PCDH9: variants seen among roughly 807,000 people sequenced by gnomAD.
PCDH9 encodes the protein protocadherin 9, also known as protocadherin-9.
A neutral mutation model predicts 70.6 loss-of-function variants in PCDH9; 24 were observed. The observed-to-expected ratio is 0.34, with a 90% confidence interval of 0.25 to 0.48. The LOEUF (loss-of-function observed/expected upper bound fraction) is 0.48. PCDH9 is among the 20% of genes least tolerant of loss of function. PCDH9 has a pLI of 0.99. For synonymous variants in PCDH9, 562 were observed against 558.5 expected (o/e 1.01, Z -0.09); for missense variants, 1,281 against 1,503.6 (o/e 0.85, Z 2.45).
chr13:66,653,289 A>G (rs1481371181), intron 3 of PCDH9, among the ~76,000 whole-genome samples: 1 of 152,162 alleles, frequency 6.6e-6, no homozygotes, highest in Non-Finnish European at 1.5e-5. Context: ...CAGACTATAT[A>G]AGGAGCTCAA....
chr13:66,572,731 T>C (rs963120474), intron 4 of PCDH9, among the ~76,000 whole-genome samples: 3 of 152,090 alleles, frequency 2.0e-5, no homozygotes, highest in Non-Finnish European at 2.9e-5. Flanking sequence ...TACCTAGCAG[T>C]GAGATTGCTA....
chr13:66,319,443 A>G (rs1361461417), intron 4 of PCDH9, among the ~76,000 whole-genome samples: 1 of 152,082 alleles, frequency 6.6e-6, no homozygotes, highest in Non-Finnish European at 1.5e-5. Flanking sequence ...TCAAATCACA[A>G]TGTGAAAGCA....
chr13:67,188,703 T>A (rs2088825639), intron 2 of PCDH9, among the ~76,000 whole-genome samples: 1 of 152,170 alleles, frequency 6.6e-6, no homozygotes, highest in Admixed American at 6.6e-5. Flanking sequence ...TCTTATAATA[T>A]CTATAACTTC....
intron 3 of PCDH9, among the ~76,000 whole-genome samples, chr13:66,716,540 T>A (rs2139141725): frequency 6.6e-6 from 1 of 152,236 alleles, no homozygotes. Flanking sequence ...AGGAGTCAGA[T>A]CCCAGTAAGA....
chr13:66,802,015 TTTGTTTGTTTG>T (rs2080334766), intron 3 of PCDH9, among the ~76,000 whole-genome samples: 1 of 151,888 alleles, frequency 6.6e-6, no homozygotes, highest in Admixed American at 6.6e-5. Flanking sequence ...TGTTTGTTTG[TTTGTTTGTTTG>T]TTTTTAACTA....
intron 2 of PCDH9, among the ~76,000 whole-genome samples, chr13:67,191,511 A>G (rs1014114819): frequency 1.3e-5 from 2 of 152,142 alleles, no homozygotes; most frequent in Non-Finnish European, 2.9e-5. Context: ...GGAAACTATT[A>G]TATAATCTCG....
At chr13:67,208,264 A>AT (rs1207004757) in intron 2 of PCDH9, 5 of 152,186 alleles carry the variant, frequency 3.3e-5, no homozygotes, top group South Asian at 2.1e-4. Flanking sequence ...GACACAAACT[A>AT]TTTTTTTGTT....
At chr13:66,470,648 T>G (rs1237969414) in intron 4 of PCDH9, among the ~76,000 whole-genome samples, 1 of 151,048 alleles carries the variant, frequency 6.6e-6, no homozygotes, top group East Asian at 1.9e-4. Context: ...AAATGTGAAA[T>G]GTTATAAATA....
Position 66,327,566 on chromosome 13 carries a change from G to A in PCDH9, c.3341-22538C>T, listed in dbSNP as rs1023119524. Among the ~76,000 whole-genome samples the A allele has an allele frequency of 3.3e-5, 5 of 152,264 alleles. No homozygotes were observed. The East Asian group carries it at 9.7e-4, about 29-fold the overall frequency. On this transcript the variant is annotated intron_variant, in intron 4 of 4. Coordinates refer to ENST00000377865, the MANE Select transcript of PCDH9 (RefSeq NM_203487.3). ...ACAAAAATAAGCACTATGTAAGTAT[G>A]TAAAACATATCCTCATGAAAGGCAG... is the stretch of plus-strand genomic sequence containing the variant.
chr13:66,653,690 G>T (rs1321989753), intron 3 of PCDH9, among the ~76,000 whole-genome samples: 1 of 151,940 alleles, frequency 6.6e-6, no homozygotes, highest in African/African-American at 2.4e-5. Flanking sequence ...GAAAATCGCC[G>T]GGCACGGTGG....
At chr13:67,104,318 A>T (rs1245383286) in intron 2 of PCDH9, among the ~76,000 whole-genome samples, 1 of 152,200 alleles carries the variant, frequency 6.6e-6, no homozygotes, top group Non-Finnish European at 1.5e-5. Context: ...TAATAAATTC[A>T]CATGGATTTT....
intron 2 of PCDH9, among the ~76,000 whole-genome samples, chr13:66,937,175 T>C (rs932373694): frequency 6.6e-6 from 1 of 152,238 alleles, no homozygotes; most frequent in African/African-American, 2.4e-5. Flanking sequence ...CATTTGGCTA[T>C]GGATTTTACA....
At chr13:66,468,935 G>C (rs1228089989) in intron 4 of PCDH9, among the ~76,000 whole-genome samples, 1 of 152,004 alleles carries the variant, frequency 6.6e-6, no homozygotes, top group Non-Finnish European at 1.5e-5. Context: ...AAATAAATTT[G>C]GCCAAAATAT....
At chr13:66,543,716 T>A (rs1287159866) in intron 4 of PCDH9, among the ~76,000 whole-genome samples, 1 of 151,974 alleles carries the variant, frequency 6.6e-6, no homozygotes, top group Non-Finnish European at 1.5e-5. Context: ...AAAAGACACC[T>A]CTTAAAAACC....
At chr13:66,913,348 C>A (rs544405287) in intron 2 of PCDH9, among the ~76,000 whole-genome samples, 53 of 152,104 alleles carry the variant, frequency 3.5e-4, no homozygotes, top group Non-Finnish European at 6.3e-4. Flanking sequence ...TACATCATTT[C>A]AAATTGTGTT....
chr13:66,464,903 T>C, intron 4 of PCDH9, among the ~76,000 whole-genome samples: 2 of 152,110 alleles, frequency 1.3e-5, no homozygotes, highest in Middle Eastern at 6.8e-3. Context: ...TATCTAATAA[T>C]TGCAATTAAT....
intron 2 of PCDH9, chr13:67,214,967 T>C (rs1434887641): frequency 4.2e-5 from 5 of 118,258 alleles, no homozygotes; most frequent in African/African-American, 1.5e-4. Context: ...TATATATATA[T>C]ATATATTCAC....
At chr13:67,100,526 G>A (rs769340406) in intron 2 of PCDH9, among the ~76,000 whole-genome samples, 18 of 152,168 alleles carry the variant, frequency 1.2e-4, no homozygotes, top group Non-Finnish European at 2.2e-4. Flanking sequence ...TAAATTGCAT[G>A]TATATACTTA....
At chr13:66,366,457 C>A (rs1467054435) in intron 4 of PCDH9, among the ~76,000 whole-genome samples, 1 of 152,008 alleles carries the variant, frequency 6.6e-6, no homozygotes, top group Non-Finnish European at 1.5e-5. Flanking sequence ...CAGACTCCAT[C>A]TTTCCTTTAA....
Sources: gnomAD v4.1 joint callset for allele counts (sites outside exome capture counted in the v4.1 genomes callset) on GRCh38, gnomAD v4.1.1 for gene constraint, MANE v1.5 for transcripts, NCBI Gene and HGNC (gene_info 2026-07-23, HGNC 2026-07-21) for gene names.